The following GRM5 variants were observed in gnomAD, a reference collection of about 807,000 sequenced individuals.
The protein encoded by GRM5 is glutamate metabotropic receptor 5, also known as metabotropic glutamate receptor 5.
Under a neutral mutation model 83.1 loss-of-function variants are expected in GRM5, and 19 were observed. That is an observed-to-expected ratio of 0.23 (90% CI 0.16 to 0.34). The LOEUF (loss-of-function observed/expected upper bound fraction) is 0.34. Among genes scored for constraint, GRM5 ranks in the 10% least tolerant of loss-of-function variants. GRM5 has a pLI of 1.00. For synonymous variants in GRM5, 675 were observed against 633.6 expected (o/e 1.07, Z -0.98); for missense variants, 1,160 against 1,588.3 (o/e 0.73, Z 4.58).
At chr11:88,715,535 G>T (rs1459221821) in intron 3 of GRM5, among the ~76,000 whole-genome samples, 1 of 151,912 alleles carries the variant, frequency 6.6e-6, no homozygotes, top group Admixed American at 6.6e-5. Flanking sequence ...ATTCTACAAC[G>T]AAATCCTCCC....
intron 3 of GRM5, among the ~76,000 whole-genome samples, chr11:88,801,994 G>A (rs748032492): frequency 5.9e-5 from 9 of 152,030 alleles, no homozygotes; most frequent in Admixed American, 2.6e-4. Flanking sequence ...CCCCTTCTCT[G>A]CACCAAGCAG....
At chr11:88,705,518 G>A (rs1215398570) in intron 3 of GRM5, among the ~76,000 whole-genome samples, 1 of 152,024 alleles carries the variant, frequency 6.6e-6, no homozygotes. Context: ...TTTGTGGTGA[G>A]GATGCACTAT....
intron 3 of GRM5, among the ~76,000 whole-genome samples, chr11:88,678,306 G>A (rs1591434413): frequency 6.6e-6 from 1 of 151,986 alleles, no homozygotes; most frequent in East Asian, 1.9e-4. Context: ...TAATCCTCTT[G>A]CCTTGGCCTC....
intron 2 of GRM5, among the ~76,000 whole-genome samples, chr11:88,981,601 T>C (rs1035233469): frequency 6.6e-6 from 1 of 152,114 alleles, no homozygotes; most frequent in African/African-American, 2.4e-5. Context: ...AGAAATAGTA[T>C]ACACAAAAAA....
chr11:88,760,232 C>G (rs997605119), intron 3 of GRM5, among the ~76,000 whole-genome samples: 1 of 152,008 alleles, frequency 6.6e-6, no homozygotes, highest in Non-Finnish European at 1.5e-5. Flanking sequence ...CAGAGCTGAA[C>G]TGAAGGAAAT....
intron 3 of GRM5, among the ~76,000 whole-genome samples, chr11:88,810,566 G>A (rs1252703243): frequency 2.0e-5 from 3 of 152,046 alleles, no homozygotes; most frequent in Admixed American, 1.3e-4. Context: ...AGCTGTTAGA[G>A]TAAGCATCCT....
chr11:88,883,034 A>T (rs1423881163), intron 2 of GRM5, among the ~76,000 whole-genome samples: 1 of 152,198 alleles, frequency 6.6e-6, no homozygotes, highest in Non-Finnish European at 1.5e-5. Flanking sequence ...CCCCAGCCAC[A>T]TGCAACTGTG....
chr11:88,683,346 G>C (rs555942015), intron 3 of GRM5, among the ~76,000 whole-genome samples: 1 of 152,316 alleles, frequency 6.6e-6, no homozygotes, highest in Non-Finnish European at 1.5e-5. Flanking sequence ...CCACTATGCT[G>C]TCACCAGCGA....
At chr11:88,970,238 C>CT (rs1369042279) in intron 2 of GRM5, among the ~76,000 whole-genome samples, 2 of 152,022 alleles carry the variant, frequency 1.3e-5, no homozygotes. Flanking sequence ...TAAATGGATG[C>CT]TTTTTTCTCA....
intron 2 of GRM5, among the ~76,000 whole-genome samples, chr11:88,868,357 A>T (rs1944706191): frequency 6.6e-6 from 1 of 151,474 alleles, no homozygotes; most frequent in African/African-American, 2.4e-5. Context: ...CAAGTTATTA[A>T]TCTTTCTAAG....
intron 2 of GRM5, among the ~76,000 whole-genome samples, chr11:88,931,009 A>G (rs1431445797): frequency 6.6e-6 from 1 of 152,154 alleles, no homozygotes; most frequent in Non-Finnish European, 1.5e-5. Context: ...AAAGTATACA[A>G]AGCATGCTTT....
At chr11:88,879,556 G>C (rs1409210664) in intron 2 of GRM5, among the ~76,000 whole-genome samples, 2 of 151,800 alleles carry the variant, frequency 1.3e-5, no homozygotes, top group African/African-American at 4.8e-5. Flanking sequence ...CATTAAAAAA[G>C]CTGGTGAGAA....
chr11:89,050,192 G>A (rs930485712), intron 1 of GRM5, among the ~76,000 whole-genome samples: 2 of 152,140 alleles, frequency 1.3e-5, no homozygotes, highest in Admixed American at 6.5e-5. Context: ...GGTATGCGAA[G>A]TTTGTTACTT....
intron 3 of GRM5, among the ~76,000 whole-genome samples, chr11:88,668,654 T>C (rs1328938448): frequency 6.6e-6 from 1 of 152,136 alleles, no homozygotes; most frequent in African/African-American, 2.4e-5. Context: ...ATTATTGTGG[T>C]AAAAACAGGT....
Position 88,508,754 on chromosome 11 carries a change from C to T in GRM5, c.3477G>A (p.Glu1159=). 1 of 1,552,256 alleles carries T rather than the reference C, an allele frequency of 6.4e-7. No individual in the cohort carries two copies. Among genetic ancestry groups the T allele is most frequent in the Non-Finnish European group, 8.7e-7 (1 of 1,152,664 alleles). The change falls in exon 10 of 10, where the codon GAG becomes GAA. Residue 1159 remains glutamate, a synonymous_variant. Coordinates refer to ENST00000305447, the MANE Select transcript of GRM5 (RefSeq NM_001143831.3). The surrounding 1 kb of genome is among the most constrained non-coding windows in gnomAD (Gnocchi z 4.2). The part of the protein sequence containing the change: ...EAAAAKPDLE[E]LVALTPPSPF... Reference sequence around the variant, plus strand: ...GGGACGGCGGGGTGAGAGCCACCAGCTCCTCCAGGTCTGGCTTGGCGGCCG... The same window carrying T: ...GGGACGGCGGGGTGAGAGCCACCAGTTCCTCCAGGTCTGGCTTGGCGGCCG...
intron 2 of GRM5, among the ~76,000 whole-genome samples, chr11:88,975,317 T>A (rs1466063616): frequency 6.6e-6 from 1 of 152,222 alleles, no homozygotes; most frequent in Non-Finnish European, 1.5e-5. Flanking sequence ...AGACATCATT[T>A]CTTTTTCTGA....
chr11:88,678,103 G>T (rs556256141), intron 3 of GRM5, among the ~76,000 whole-genome samples: 1 of 149,814 alleles, frequency 6.7e-6, no homozygotes, highest in South Asian at 2.1e-4. Context: ...CTGTCTCCCC[G>T]GCTGGAGTAC....
chr11:88,645,530 A>G (rs1355003623), intron 4 of GRM5, among the ~76,000 whole-genome samples: 2 of 152,142 alleles, frequency 1.3e-5, no homozygotes, highest in Non-Finnish European at 2.9e-5. Flanking sequence ...GAGATGAGGC[A>G]TAAAGAATAT....
intron 2 of GRM5, among the ~76,000 whole-genome samples, chr11:88,995,007 C>A (rs1940131605): frequency 6.6e-6 from 1 of 152,010 alleles, no homozygotes; most frequent in Admixed American, 6.6e-5. Flanking sequence ...TTGCCAAACC[C>A]TGGAGATAAA....
Sources: allele counts gnomAD v4.1 joint callset (sites outside exome capture counted in the v4.1 genomes callset), GRCh38; gene constraint gnomAD v4.1.1; non-coding constraint Gnocchi (gnomAD v3.1); transcripts MANE v1.5; gene names NCBI Gene and HGNC (gene_info 2026-07-23, HGNC 2026-07-21).